The following DLC1 variants were observed in gnomAD, a reference collection of about 807,000 sequenced individuals.
The protein encoded by DLC1 is rho GTPase-activating protein 7.
A neutral mutation model predicts 140.3 loss-of-function variants in DLC1; 54 were observed. The observed-to-expected ratio is 0.38, with a 90% CI of 0.31 to 0.48. The LOEUF is 0.48. Ranked by LOEUF, DLC1 falls within the 20% of genes least tolerant of loss-of-function variation. The pLI is 0.96. For missense variants in DLC1, 2,536 were observed against 1,907.0 expected (o/e 1.33, Z -6.14); for synonymous variants, 986 against 728.1 (o/e 1.35, Z -5.70).
rs750088702 is a variant in DLC1 at position 13,499,954 on chromosome 8, A to C, written c.118T>G (p.Leu40Val). ...ACHHGLVADS[L>V]QASMEKDATL... The stretch of plus-strand genomic sequence containing the variant: ...GCATCTTTTTCCATACTTGCCTGCA[A>C]GCTGTCAGCTACTAGTCCATGATGA... Residue 40 changes from leucine to valine, a missense_variant, in exon 2 of 18, where the codon TTG becomes GTG. Physicochemically the swap from Leu to Val is conservative, Grantham distance 32. Transcript: ENST00000276297. 1.5e-5 allele frequency: 24 copies of C among 1,613,964 alleles called. No homozygotes were observed. The South Asian group carries it at 2.6e-4, about 18-fold the overall frequency.
chr8:13,106,246 G>C (rs908989320), intron 7 of DLC1, among the ~76,000 whole-genome samples: 2 of 152,118 alleles, frequency 1.3e-5, no homozygotes, highest in Non-Finnish European at 2.9e-5. Context: ...GGGAGAAGGG[G>C]GAAAGATACA....
intron 5 of DLC1, among the ~76,000 whole-genome samples, chr8:13,258,332 A>G (rs1032914049): frequency 6.6e-6 from 1 of 152,222 alleles, no homozygotes; most frequent in Non-Finnish European, 1.5e-5. Flanking sequence ...GAATACAGAG[A>G]AGTACAGGAA....
At position 13,175,418 on chromosome 8, in the gene DLC1, T is replaced by C. The variant is rs868558375; in HGVS notation, c.1349-59761A>G. On this transcript the variant is annotated intron_variant, in intron 5 of 17. Coordinates refer to ENST00000276297, the MANE Select transcript of DLC1 (RefSeq NM_182643.3). ...GTGAAAAATGACATTTGTAGTTTGA[T>C]AGAAATAGCACTGAATCTGAAAGTT... 9.9e-5 allele frequency among the ~76,000 whole-genome samples: 15 copies of C among 152,066 alleles called. No individual in the cohort carries two copies. The East Asian group carries it at 1.2e-3, about 12-fold the overall frequency.
chr8:13,241,847 T>C (rs529371928), intron 5 of DLC1, among the ~76,000 whole-genome samples: 209 of 152,208 alleles, frequency 1.4e-3, no homozygotes, highest in African/African-American at 4.6e-3. Flanking sequence ...CGGGGTCCTT[T>C]CATTTCCTCT....
At chr8:13,191,239 G>T (rs918641955) in intron 5 of DLC1, among the ~76,000 whole-genome samples, 1 of 152,200 alleles carries the variant, frequency 6.6e-6, no homozygotes, top group African/African-American at 2.4e-5. Context: ...AGGCACAGTG[G>T]CTCATGCCTG....
chr8:13,110,892 C>T, intron 6 of DLC1, 69 bp from the exon 7 acceptor site: 3 of 1,399,902 alleles, frequency 2.1e-6, no homozygotes, highest in East Asian at 4.6e-5. Flanking sequence ...GCCCAGTTTA[C>T]CAAAGCAGGG....
intron 4 of DLC1, among the ~76,000 whole-genome samples, chr8:13,343,043 C>G (rs1228060036): frequency 2.0e-5 from 3 of 152,106 alleles, no homozygotes; most frequent in African/African-American, 2.4e-5. Flanking sequence ...TTAATCATCT[C>G]CACCCTTTAC....
intron 4 of DLC1, among the ~76,000 whole-genome samples, chr8:13,360,509 C>T (rs1835172857): frequency 6.6e-6 from 1 of 152,112 alleles, no homozygotes; most frequent in South Asian, 2.1e-4. Flanking sequence ...ACTTAAAATA[C>T]TGATGCCTGG....
chr8:13,345,547 CTTTTTTT>C (rs535092622), intron 4 of DLC1, among the ~76,000 whole-genome samples: 4,326 of 67,628 alleles, frequency 0.064, 198 homozygotes, highest in South Asian at 0.11. Context: ...TTCACTCACA[CTTTTTTT>C]TTTTTTTTTT....
intron 4 of DLC1, among the ~76,000 whole-genome samples, chr8:13,307,939 A>G (rs1316980658): frequency 6.6e-6 from 1 of 152,216 alleles, no homozygotes. Flanking sequence ...ATGATAAGAC[A>G]TTTACTTAGA....
chr8:13,134,637 C>T (rs1425902278), intron 5 of DLC1, among the ~76,000 whole-genome samples: 1 of 152,174 alleles, frequency 6.6e-6, no homozygotes, highest in East Asian at 1.9e-4. Context: ...GAAGACTCTT[C>T]TCCCATTTCC....
chr8:13,217,896 T>C (rs1828287313), intron 5 of DLC1, among the ~76,000 whole-genome samples: 1 of 151,560 alleles, frequency 6.6e-6, no homozygotes, highest in Admixed American at 6.6e-5. Flanking sequence ...TTAAATAAAA[T>C]ACTCTGATTT....
Position 13,247,391 on chromosome 8 carries a change from A to G in DLC1, c.1348+57878T>C, listed in dbSNP as rs995938747. Among the ~76,000 whole-genome samples, 16 of 152,326 alleles carry G rather than the reference A, an allele frequency of 1.1e-4. No homozygotes were observed. The East Asian group carries it at 2.9e-3, about 28-fold the overall frequency. The stretch of plus-strand genomic sequence containing the variant: ...TTCAAAGAGTGGCATGCTCTATGCA[A>G]TTATGGTAGTTGTTAACAATTATTT... On this transcript the variant is annotated intron_variant, in intron 5 of 17. Transcript: ENST00000276297.
intron 5 of DLC1, among the ~76,000 whole-genome samples, chr8:13,226,068 A>G (rs370150318): frequency 6.6e-6 from 1 of 152,050 alleles, no homozygotes; most frequent in African/African-American, 2.4e-5. Flanking sequence ...ACATGTCGCC[A>G]CACTTGGCTA....
Position 13,514,519 on chromosome 8 carries a change from G to T in DLC1, c.-126+83C>A, listed in dbSNP as rs114471995. 829 of 398,150 alleles carry T rather than the reference G, an allele frequency of 2.1e-3. 9 individuals are homozygous for T. Among genetic ancestry groups the T allele is most frequent in the African/African-American group, 0.016 (779 of 48,678 alleles). The allele number at this position is 398,150 out of a possible 1,614,324, so 24.7% of individuals were successfully genotyped here. A position where few individuals can be genotyped will look rare whatever the true frequency, so the allele number is the denominator to read the frequency against. On this transcript the variant is annotated intron_variant, in intron 1 of 17. Coordinates refer to ENST00000276297, the MANE Select transcript of DLC1 (RefSeq NM_182643.3). ...TAAAACCTAGGAAGTCACCAACTCC[G>T]TGCAAGATGCTAACATTTATCTCAA...
In DLC1 at chr8:13,473,081, T is replaced by C. The variant is rs78962233; in HGVS notation, c.1023+25968A>G. 3.5e-3 allele frequency among the ~76,000 whole-genome samples: 528 copies of C among 152,328 alleles called. 3 individuals are homozygous for C. The highest frequency in any genetic ancestry group is 0.012 in the African/African-American group (515 of 41,570). ...CTGTTTGTGGTGCTGACTATTATTA[T>C]GCAGGTCAGGGGGTGATATGCAGAC... On this transcript the variant is annotated intron_variant, in intron 2 of 17. Coordinates refer to ENST00000276297, the MANE Select transcript of DLC1 (RefSeq NM_182643.3).
At chr8:13,576,319 G>A (rs571707014) in intron 1 of DLC1, among the ~76,000 whole-genome samples, 4 of 152,236 alleles carry the variant, frequency 2.6e-5, no homozygotes, top group South Asian at 2.1e-4. Flanking sequence ...TCTGGGGCGC[G>A]GAGAAGGATC....
At chr8:13,537,624 T>C (rs1803328599) in intron 1 of DLC1, among the ~76,000 whole-genome samples, 1 of 149,280 alleles carries the variant, frequency 6.7e-6, no homozygotes, top group South Asian at 2.1e-4. Flanking sequence ...AGAATACTAA[T>C]GGTAATAGTA....
chr8:13,164,453 G>A (rs1287595285), intron 5 of DLC1, among the ~76,000 whole-genome samples: 2 of 152,180 alleles, frequency 1.3e-5, no homozygotes, highest in African/African-American at 2.4e-5. Context: ...TATTCATCCA[G>A]TCAAGGCAGT....
Sources: gnomAD v4.1 joint callset for allele counts (sites outside exome capture counted in the v4.1 genomes callset) on GRCh38, gnomAD v4.1.1 for gene constraint, MANE v1.5 for transcripts, NCBI Gene and HGNC (gene_info 2026-07-23, HGNC 2026-07-21) for gene names.